The following FRRS1 variants were observed in gnomAD, a reference collection of about 807,000 sequenced individuals.
FRRS1 encodes ferric chelate reductase 1, also known as ferric reductase 1.
In FRRS1, 51 loss-of-function variants were observed where a neutral mutation model predicts 70.7. The ratio of observed to expected loss-of-function variants is 0.72; its 90% CI spans 0.58 to 0.91. FRRS1 has a LOEUF of 0.91. Ranked by LOEUF, FRRS1 falls within the 40% of genes least tolerant of loss-of-function variation. The pLI is 0.00. For missense variants in FRRS1, 672 were observed against 726.0 expected, an observed-to-expected ratio of 0.93 and a Z score of 0.86; for synonymous variants, 225 against 238.7, an observed-to-expected ratio of 0.94 and a Z score of 0.53.
intron 1 of FRRS1, among the ~76,000 whole-genome samples, chr1:99,765,140 A>C (rs191320321): frequency 5.4e-4 from 83 of 152,316 alleles, no homozygotes; most frequent in African/African-American, 1.6e-3. Context: ...ACACTTCACC[A>C]AAAAAATCAA....
chr1:99,748,946 G>C lies in FRRS1; in HGVS notation c.-50C>G, dbSNP rs1028204480. ...AAGTTTCACCCGAATTTCAATCTCA[G>C]CTCTACAAATTACTGTGAGACTTTG... is the stretch of plus-strand genomic sequence containing the variant. On this transcript the variant is annotated 5_prime_UTR_variant, in exon 2 of 17. Transcript: ENST00000646001. The C allele has an allele frequency of 5.8e-6, 3 of 516,012 alleles. No homozygotes were observed. In the Admixed American group the frequency reaches 1.1e-4, roughly 18 times the overall value. 32.0% of individuals were successfully genotyped at this position (516,012 alleles called of 1,614,324 possible).
chr1:99,740,111 T>A (rs1655880411), intron 6 of FRRS1, among the ~76,000 whole-genome samples: 1 of 152,210 alleles, frequency 6.6e-6, no homozygotes. Context: ...CTGACCTTAA[T>A]GAAATGAGAT....
At position 99,738,151 on chromosome 1, in the gene FRRS1, T is replaced by A. The variant is rs770565591; in HGVS notation, c.694A>T (p.Met232Leu). ...LSFTRDDQSV[M>L]VEMSGPSKGY... ...TTACTGGGGCCGCTCATTTCAACCA[T>A]CACCGATTGGTCATCTCTTGTGAAG... The change falls in exon 7 of 17, where the codon ATG becomes TTG. Residue 232 changes from methionine to leucine, a missense_variant. Met to Leu is a conservative substitution (Grantham distance 15). Coordinates refer to ENST00000646001, the MANE Select transcript of FRRS1 (RefSeq NM_001361041.2). 7 of 1,613,912 alleles carry A rather than the reference T, an allele frequency of 4.3e-6. No homozygotes were observed. Among genetic ancestry groups the A allele is most frequent in the Non-Finnish European group, 5.9e-6 (7 of 1,179,814 alleles).
chr1:99,761,285 C>G (rs1392759855), intron 1 of FRRS1, among the ~76,000 whole-genome samples: 1 of 151,956 alleles, frequency 6.6e-6, no homozygotes, highest in Non-Finnish European at 1.5e-5. Flanking sequence ...TACCACCATG[C>G]CCAGCTAATT....
chr1:99,710,110 C>T, intron 15 of FRRS1, among the ~76,000 whole-genome samples: 1 of 152,174 alleles, frequency 6.6e-6, no homozygotes, highest in East Asian at 1.9e-4. Context: ...CCAGGCTCTC[C>T]TAAGTTTACA....
chr1:99,751,569 C>A (rs1656570454), intron 1 of FRRS1, among the ~76,000 whole-genome samples: 1 of 151,918 alleles, frequency 6.6e-6, no homozygotes, highest in African/African-American at 2.4e-5. Context: ...TGCTCAGAAA[C>A]CACACAAGCA....
intron 7 of FRRS1, among the ~76,000 whole-genome samples, chr1:99,736,103 T>C (rs1655643793): frequency 6.6e-6 from 1 of 152,202 alleles, no homozygotes; most frequent in South Asian, 2.1e-4. Context: ...ACAGCAGCAC[T>C]ACCACCACCT....
chr1:99,742,955 T>G lies in FRRS1; in HGVS notation c.334-682A>C, dbSNP rs192367081. Among the ~76,000 whole-genome samples, 242 of 152,244 alleles carry G rather than the reference T, an allele frequency of 1.6e-3. 1 individual carries two copies. Among genetic ancestry groups the G allele is most frequent in the African/African-American group, 5.7e-3 (235 of 41,544 alleles). On this transcript the variant is annotated intron_variant, in intron 4 of 16. Coordinates refer to ENST00000646001, the MANE Select transcript of FRRS1 (RefSeq NM_001361041.2). ...TCTTGTCCATCACCTATCCCTCCCATTCAGGACCATTTTTGGTGTAAAAAT... is the reference window on the plus strand; with the variant it reads ...TCTTGTCCATCACCTATCCCTCCCAGTCAGGACCATTTTTGGTGTAAAAAT...
chr1:99,755,072 G>GAAA (rs1656765752), intron 1 of FRRS1, among the ~76,000 whole-genome samples: 4 of 151,902 alleles, frequency 2.6e-5, no homozygotes, highest in Admixed American at 2.6e-4. Flanking sequence ...TCTCCATGGA[G>GAAA]AAAATAATAA....
At chr1:99,728,680 A>C (rs1655191021) in intron 8 of FRRS1, 40 bp from the exon 9 acceptor site, 1 of 1,576,644 alleles carries the variant, frequency 6.3e-7, no homozygotes, top group Non-Finnish European at 8.7e-7. Flanking sequence ...CACTTTCCAA[A>C]GATTTGCTAA....
intron 9 of FRRS1, among the ~76,000 whole-genome samples, chr1:99,723,084 C>CT (rs1654911961): frequency 6.6e-6 from 1 of 151,692 alleles, no homozygotes; most frequent in Non-Finnish European, 1.5e-5. Flanking sequence ...ACAAAGTAAC[C>CT]AAATATATAT....
chr1:99,719,658 A>G lies in FRRS1; in HGVS notation c.1007-11T>C. 2 of 1,372,692 alleles carry G rather than the reference A, an allele frequency of 1.5e-6. No homozygotes were observed. Among genetic ancestry groups the G allele is most frequent in the Non-Finnish European group, 2.1e-6 (2 of 961,982 alleles). 85.0% of individuals were successfully genotyped at this position (1,372,692 alleles called of 1,614,324 possible). On this transcript the variant is annotated splice_polypyrimidine_tract_variant and intron_variant, in intron 9 of 16. Transcript: ENST00000646001. ...GCTTGTAAATTCGACCTGCAAATTA[A>G]AAACAAAATTAAACATGACAAAGAA...
At chr1:99,761,585 A>G (rs1657114282) in intron 1 of FRRS1, among the ~76,000 whole-genome samples, 1 of 152,234 alleles carries the variant, frequency 6.6e-6, no homozygotes, top group South Asian at 2.1e-4. Flanking sequence ...CCCCTTCTCT[A>G]AAGACCCAAA....
intron 9 of FRRS1, among the ~76,000 whole-genome samples, chr1:99,722,463 T>C (rs541343408): frequency 7.9e-5 from 12 of 152,118 alleles, no homozygotes; most frequent in South Asian, 2.1e-4. Flanking sequence ...TGAATATAGA[T>C]GTAAAAAGCT....
chr1:99,730,913 G>T (rs1050570296), intron 7 of FRRS1, among the ~76,000 whole-genome samples: 1 of 151,026 alleles, frequency 6.6e-6, no homozygotes, highest in Non-Finnish European at 1.5e-5. Flanking sequence ...ATGCATGCCT[G>T]TGGTCCCAGC....
Position 99,706,629 on chromosome 1 carries a change from C to T in FRRS1, c.*2399G>A, listed in dbSNP as rs1158345355. On this transcript the variant is annotated 3_prime_UTR_variant, in exon 17 of 17. Transcript: ENST00000646001. ...GAATTTTCAGCTGGGCACAGTGGCT[C>T]GTGCCTGTAATCCCAGCACTTTGGG... Among the ~76,000 whole-genome samples the T allele has an allele frequency of 6.6e-6, 1 of 152,150 alleles. No individual in the cohort carries two copies. Among genetic ancestry groups the T allele is most frequent in the East Asian group, 1.9e-4 (1 of 5,192 alleles).
In FRRS1 at chr1:99,748,560, C is replaced by A. The variant is rs1397358759; in HGVS notation, c.196+13G>T. The A allele has an allele frequency of 1.2e-6, 2 of 1,604,210 alleles. No homozygotes were observed. The highest frequency in any genetic ancestry group is 1.7e-6 in the Non-Finnish European group (2 of 1,171,842). On this transcript the variant is annotated intron_variant, in intron 3 of 16. Coordinates refer to ENST00000646001, the MANE Select transcript of FRRS1 (RefSeq NM_001361041.2). ...GAAATCCAAAATGTAAACAGTTAAT[C>A]CCAGCACGGTACCTTCAATCTGATC...
In FRRS1 at chr1:99,729,746, AC is replaced by A; in HGVS notation, c.761del (p.Gly254ValfsTer22). 1 of 1,594,764 alleles carries A rather than the reference AC, an allele frequency of 6.3e-7. No homozygotes were observed. The highest frequency in any genetic ancestry group is 8.6e-7 in the Non-Finnish European group (1 of 1,165,160). On this transcript the variant is annotated frameshift_variant and splice_region_variant, in exon 8 of 17. Coordinates refer to ENST00000646001, the MANE Select transcript of FRRS1 (RefSeq NM_001361041.2). LOFTEE classifies it high-confidence loss of function. ...SFALSHDQWM[G>X]DDDAYLCIHE... ...GAATACACAGATAAGCATCATCATC[AC>A]CCTGAAAAACAATTGCAAATGAGAA...
intron 9 of FRRS1, 64 bp downstream of exon 9, chr1:99,728,429 G>A (rs1278722612): frequency 7.3e-7 from 1 of 1,365,570 alleles, no homozygotes; most frequent in African/African-American, 1.4e-5. Flanking sequence ...TTCCAAAAAT[G>A]GGGGAAAGAG....
Sources: gnomAD v4.1 joint callset for allele counts (sites outside exome capture counted in the v4.1 genomes callset) on GRCh38, gnomAD v4.1.1 for gene constraint, MANE v1.5 for transcripts, NCBI Gene and HGNC (gene_info 2026-07-23, HGNC 2026-07-21) for gene names.